Variants in KIF1C observed in about 807,000 individuals in gnomAD.
KIF1C encodes kinesin-like protein KIF1C.
In KIF1C, 61 loss-of-function variants were observed where a neutral mutation model predicts 126.5. The observed-to-expected ratio is 0.48, with a 90% CI of 0.39 to 0.60. The LOEUF (loss-of-function observed/expected upper bound fraction) is 0.60, where lower values mean the gene tolerates loss of function less well. KIF1C is among the 20% of genes least tolerant of loss of function. The pLI, the probability that KIF1C is intolerant of heterozygous loss-of-function variation, is 0.00. For missense variants in KIF1C, 1,315 were observed against 1,489.2 expected (o/e 0.88, Z 1.93); for synonymous variants, 640 against 580.6 (o/e 1.10, Z -1.47).
chr17:5,022,468 G>A lies in KIF1C; in HGVS notation c.2387G>A (p.Trp796Ter). 1 of 1,586,164 alleles carries A rather than the reference G, an allele frequency of 6.3e-7. No individual in the cohort carries two copies. ...YGKPDGPGDA[W>*]RAVARDVWDT... is the part of the protein sequence containing the mutation. ...AAGCCAGACGGCCCCGGAGACGCCT[G>A]GAGGGCTGTGGCCCGGGATGTCTGG... Residue 796 changes from tryptophan (W) to a stop codon, truncating the protein, a stop_gained, in exon 22 of 23, where the codon TGG becomes TAG. Transcript: ENST00000320785. LOFTEE classifies it high-confidence loss of function. The surrounding 1 kb of genome is among the most constrained non-coding windows in gnomAD (Gnocchi z 4.9).
intron 16 of KIF1C, among the ~76,000 whole-genome samples, chr17:5,013,057 T>A (rs1974900765): frequency 6.6e-6 from 1 of 152,194 alleles, no homozygotes; most frequent in African/African-American, 2.4e-5. Context: ...TCAATGAGTC[T>A]GCTTCGAGAA....
intron 16 of KIF1C, among the ~76,000 whole-genome samples, chr17:5,010,664 G>C (rs375127252): frequency 6.6e-6 from 1 of 151,026 alleles, no homozygotes; most frequent in Non-Finnish European, 1.5e-5. Flanking sequence ...GGAGAATGGC[G>C]TGAACCCGGG....
chr17:5,020,172 C>A lies in KIF1C; in HGVS notation c.1750+93C>A. ...CTTCTGGGTGCATCCTAGAGGAGGA[C>A]CCTGAAATACATCAGAAATAGCACG... On this transcript the variant is annotated intron_variant, in intron 19 of 22. Transcript: ENST00000320785. The surrounding 1 kb of genome is among the most constrained non-coding windows in gnomAD (Gnocchi z 5.8). 1.1e-6 allele frequency: 1 copy of A among 903,686 alleles called. No homozygotes were observed. The highest frequency in any genetic ancestry group is 1.8e-6 in the Non-Finnish European group (1 of 556,878). 56.0% of individuals were successfully genotyped at this position (903,686 alleles called of 1,614,324 possible).
At chr17:5,000,938 A>G in intron 4 of KIF1C, 90 bp downstream of exon 4, 3 of 1,296,816 alleles carry the variant, frequency 2.3e-6, no homozygotes, top group Non-Finnish European at 3.4e-6. Context: ...TAGGACCCCC[A>G]GGGGATTAGT....
chr17:4,999,081 G>A (rs917755357), intron 1 of KIF1C: 6 of 152,154 alleles, frequency 3.9e-5, no homozygotes, highest in African/African-American at 1.4e-4. Context: ...GAGCCCTGAG[G>A]GTTGGTCTGA....
intron 5 of KIF1C, among the ~76,000 whole-genome samples, chr17:5,001,838 TG>T (rs1417823121): frequency 6.6e-6 from 1 of 152,238 alleles, no homozygotes; most frequent in Non-Finnish European, 1.5e-5. Flanking sequence ...TCAGAACTCC[TG>T]GGGTTTGCAC....
chr17:5,002,633 A>G lies in KIF1C; in HGVS notation c.599A>G (p.Asn200Ser), dbSNP rs1256771819. 1 of 1,612,102 alleles carries G rather than the reference A, an allele frequency of 6.2e-7. No homozygotes were observed. The highest frequency in any genetic ancestry group is 1.7e-5 in the Admixed American group (1 of 59,966). Residue 200 changes from asparagine to serine, a missense_variant, in exon 7 of 23, where the codon AAT (asparagine) becomes AGT (serine). Physicochemically the swap from Asn to Ser is conservative, Grantham distance 46 (BLOSUM62 1). Around this residue, in one of 2 missense-constraint regions of KIF1C, gnomAD observed 874 missense variants for 1,053.2 expected, o/e 0.83. Coordinates refer to ENST00000320785, the MANE Select transcript of KIF1C (RefSeq NM_006612.6). ...ATTGCTGACCTCATGGACTGTGGAAATAAAGCACGGTGAGGCAGGCTGATG... is the reference window on the plus strand; with the variant it reads ...ATTGCTGACCTCATGGACTGTGGAAGTAAAGCACGGTGAGGCAGGCTGATG... ...ADIADLMDCGNKARTVAATNM... is the reference protein window; with the variant it reads ...ADIADLMDCGSKARTVAATNM...
Position 5,022,334 on chromosome 17 carries a change from G to A in KIF1C, c.2253G>A (p.Ala751=), listed in dbSNP as rs369231480. The A allele has an allele frequency of 1.5e-4, 242 of 1,602,518 alleles. No individual in the cohort carries two copies. Among genetic ancestry groups the A allele is most frequent in the South Asian group, 7.1e-4 (64 of 89,698 alleles). ...WATMADLKMQ[A]VKEICYEVAL... ...CCATGGCTGACCTGAAGATGCAGGC[G>A]GTGAAGGAGATCTGCTACGAGGTGG... The change falls in exon 22 of 23, where the codon GCG becomes GCA. Residue 751 remains alanine, a synonymous_variant. Transcript: ENST00000320785. The surrounding 1 kb of genome is among the most constrained non-coding windows in gnomAD (Gnocchi z 4.9).
chr17:5,013,707 T>C lies in KIF1C; in HGVS notation c.1546T>C (p.Tyr516His). The change falls in exon 17 of 23, where the codon TAC (tyrosine) becomes CAC (histidine). Residue 516 changes from tyrosine to histidine, a missense_variant. Tyr to His is a moderately conservative substitution (Grantham distance 83, BLOSUM62 2). Around this residue, in one of 2 missense-constraint regions of KIF1C, gnomAD observed 874 missense variants for 1,053.2 expected, o/e 0.83. Transcript: ENST00000320785. ...EDPLMSECLL[Y>H]HIKDGVTRVG... ...CCCTCTGATGTCTGAGTGTCTGCTC[T>C]ACCACATCAAAGATGGCGTCACCAG... The C allele has an allele frequency of 6.2e-7, 1 of 1,613,872 alleles. No homozygotes were observed. The highest frequency in any genetic ancestry group is 8.5e-7 in the Non-Finnish European group (1 of 1,179,804).
chr17:5,000,496 G>T, intron 3 of KIF1C, 144 bp downstream of exon 3: 1 of 691,448 alleles, frequency 1.4e-6, no homozygotes, highest in Non-Finnish European at 2.5e-6. Context: ...GCTGGGGCAG[G>T]CTGGCCTTTC....
chr17:5,000,863 T>TG lies in KIF1C; in HGVS notation c.183+20dup. On this transcript the variant is annotated intron_variant, in intron 4 of 22. Transcript: ENST00000320785. Reference sequence around the variant, plus strand: ...CACACACTTCGGTGGGTTGTTGGGCTGGGGGAAGAGCAAGGCAGTGAGAGA... The same window carrying TG: ...CACACACTTCGGTGGGTTGTTGGGCTGGGGGGAAGAGCAAGGCAGTGAGAGA... 1.9e-6 allele frequency: 3 copies of TG among 1,612,180 alleles called. No individual in the cohort carries two copies. Among genetic ancestry groups the TG allele is most frequent in the Non-Finnish European group, 2.5e-6 (3 of 1,178,376 alleles).
In KIF1C at chr17:5,023,439, C is replaced by T. The variant is rs183654857; in HGVS notation, c.2629-29C>T. 464 of 1,595,278 alleles carry T rather than the reference C, an allele frequency of 2.9e-4. 2 individuals carry two copies. In the African/African-American group the frequency reaches 5.6e-3, roughly 19 times the overall value. On this transcript the variant is annotated intron_variant, in intron 22 of 22. Transcript: ENST00000320785. This position sits in a 1 kb window ranked among gnomAD's most constrained non-coding sequence, Gnocchi z 4.2. Reference sequence around the variant, plus strand: ...TGAGGATTCAGCTCTCCTCACATCCCTTCTCCTTTTCTCACTCCTCCCTCC... The same window carrying T: ...TGAGGATTCAGCTCTCCTCACATCCTTTCTCCTTTTCTCACTCCTCCCTCC...
Position 5,009,202 on chromosome 17 carries a change from C to T in KIF1C, c.1491+1660C>T, listed in dbSNP as rs1164379478. ...TTATGAGTTCTTTTTTTTTTTGAGA[C>T]GGGGTCTTGTACTGTCACCCGGGCT... On this transcript the variant is annotated intron_variant, in intron 16 of 22. Transcript: ENST00000320785. Among the ~76,000 whole-genome samples the T allele has an allele frequency of 8.0e-5, 12 of 149,370 alleles. No homozygotes were observed. In the East Asian group the frequency reaches 1.4e-3, roughly 17 times the overall value.
chr17:5,015,391 C>T (rs1974951219), intron 18 of KIF1C, among the ~76,000 whole-genome samples: 1 of 151,864 alleles, frequency 6.6e-6, no homozygotes, highest in South Asian at 2.1e-4. Context: ...TCAAGCAATT[C>T]TCCTGCCTCA....
intron 21 of KIF1C, among the ~76,000 whole-genome samples, chr17:5,021,856 G>T (rs764999264): frequency 6.6e-6 from 1 of 151,866 alleles, no homozygotes; most frequent in Non-Finnish European, 1.5e-5. Context: ...TCTCGGTGCC[G>T]GCCATGGTTC....
chr17:5,000,322 T>C lies in KIF1C; in HGVS notation c.76T>C (p.Cys26Arg), dbSNP rs1250920860. 8 of 1,593,188 alleles carry C rather than the reference T, an allele frequency of 5.0e-6. No individual in the cohort carries two copies. The African/African-American group carries it at 6.7e-5, about 13-fold the overall frequency. The change falls in exon 3 of 23, where the codon TGT (cysteine) becomes CGT (arginine). Residue 26 changes from cysteine (C) to arginine (R), a missense_variant. Physicochemically the swap from Cys to Arg is radical, Grantham distance 180. Transcript: ENST00000320785. ...NARETSQDAK[C>R]VVSMQGNTTS... Reference sequence around the variant, plus strand: ...CCGTGAGACCAGCCAGGATGCCAAGTGTGTGGTCAGCATGCAGGGCAACAC... The same window carrying C: ...CCGTGAGACCAGCCAGGATGCCAAGCGTGTGGTCAGCATGCAGGGCAACAC...
intron 21 of KIF1C, among the ~76,000 whole-genome samples, chr17:5,021,155 T>C (rs918184694): frequency 6.7e-6 from 1 of 149,826 alleles, no homozygotes; most frequent in Non-Finnish European, 1.5e-5. Flanking sequence ...TGTGTTGGTA[T>C]TAAGATTGTT....
At chr17:5,003,135 C>T (rs1000424608) in intron 8 of KIF1C, among the ~76,000 whole-genome samples, 8 of 152,024 alleles carry the variant, frequency 5.3e-5, no homozygotes, top group African/African-American at 1.9e-4. Context: ...ACCTCCACCT[C>T]CCGGGTTCAA....
At position 5,020,541 on chromosome 17, in the gene KIF1C, G is replaced by C. The variant is rs200771979; in HGVS notation, c.1800G>C (p.Pro600=). ...ACCACGTTTTCCGCTTCAACCACCC[G>C]GAGCAGGCAAGGCTGGAACGGGAAC... The part of the protein sequence containing the change: ...GKNHVFRFNH[P]EQARLERERG... The change falls in exon 20 of 23, where the codon CCG becomes CCC. Residue 600 remains proline, a synonymous_variant. Coordinates refer to ENST00000320785, the MANE Select transcript of KIF1C (RefSeq NM_006612.6). This position sits in a 1 kb window ranked among gnomAD's most constrained non-coding sequence, Gnocchi z 5.8. 11 of 1,614,208 alleles carry C rather than the reference G, an allele frequency of 6.8e-6. No individual in the cohort carries two copies. The highest frequency in any genetic ancestry group is 9.3e-6 in the Non-Finnish European group (11 of 1,180,028).
Sources: gnomAD v4.1 joint callset for allele counts (sites outside exome capture counted in the v4.1 genomes callset) on GRCh38, gnomAD v4.1.1 for gene constraint, gnomAD v4.1.1 regional missense constraint, Gnocchi (gnomAD v3.1) non-coding constraint, MANE v1.5 for transcripts, NCBI Gene and HGNC (gene_info 2026-07-23, HGNC 2026-07-21) for gene names.